PSD3: variants seen among roughly 807,000 people sequenced by gnomAD.
PSD3 encodes pleckstrin and Sec7 domain containing 3, also known as PH and SEC7 domain-containing protein 3.
Under a neutral mutation model 105.5 loss-of-function variants are expected in PSD3, and 49 were observed. That is an observed-to-expected ratio of 0.46 (90% CI 0.37 to 0.59). The LOEUF (loss-of-function observed/expected upper bound fraction) is 0.59. PSD3 is among the 20% of genes least tolerant of loss of function. The pLI is 0.00. For missense variants in PSD3, 1,561 were observed against 1,263.8 expected (o/e 1.24, Z -3.57); for synonymous variants, 557 against 457.8 (o/e 1.22, Z -2.77).
At chr8:18,678,238 G>A (rs2130939401) in intron 9 of PSD3, among the ~76,000 whole-genome samples, 1 of 152,216 alleles carries the variant, frequency 6.6e-6, no homozygotes, top group Middle Eastern at 3.4e-3. Context: ...AACTAGTGCA[G>A]GAGGATGTTG....
rs1817445001 is a variant in PSD3, at chr8:18,872,449, T to C, written c.415A>G (p.Lys139Glu). Residue 139 changes from lysine to glutamate, a missense_variant, in exon 3 of 16, where the codon AAA becomes GAA. Coordinates refer to ENST00000327040, the MANE Select transcript of PSD3 (RefSeq NM_015310.4). ...GAAATGATTCTGGCTTCTGTGGCTT[T>C]CAGAGCTGAAATCAAAGAGTCAATG... is the stretch of plus-strand genomic sequence containing the variant. ...QPIDSLISAL[K>E]ATEARIISGT... 1.2e-6 allele frequency: 2 copies of C among 1,614,084 alleles called. No individual in the cohort carries two copies. Among genetic ancestry groups the C allele is most frequent in the African/African-American group, 2.7e-5 (2 of 74,926 alleles).
At chr8:18,572,415 G>T in intron 14 of PSD3, 113 bp downstream of exon 14, 1 of 1,301,970 alleles carries the variant, frequency 7.7e-7, no homozygotes, top group Non-Finnish European at 1.1e-6. Flanking sequence ...CTCTCACAGG[G>T]CAAGGTCTCA....
chr8:18,983,068 G>C (rs192126687), intron 1 of PSD3, among the ~76,000 whole-genome samples: 52 of 152,338 alleles, frequency 3.4e-4, no homozygotes, highest in Middle Eastern at 3.4e-3. Flanking sequence ...GTCTTAGCTA[G>C]ATCTTCTGAA....
intron 2 of PSD3, among the ~76,000 whole-genome samples, chr8:18,890,402 G>T (rs937673561): frequency 1.3e-5 from 2 of 152,026 alleles, no homozygotes; most frequent in African/African-American, 4.8e-5. Flanking sequence ...AATCTAGAGA[G>T]AAAATCAGAA....
At chr8:19,084,350 G>A (rs750820508) in exon 1 of PSD3, 8 of 456,146 alleles carry the variant, frequency 1.8e-5, no homozygotes, top group East Asian at 6.9e-5. Context: ...GGCAGGTCTC[G>A]GCGCCTCTCC....
chr8:18,570,045 G>C (rs1183396326), intron 14 of PSD3, among the ~76,000 whole-genome samples: 1 of 18,052 alleles, frequency 5.5e-5, no homozygotes, highest in Non-Finnish European at 2.1e-4. Flanking sequence ...AACGAAGCTG[G>C]AGGCATCACA....
chr8:18,865,200 C>T (rs1449235178), intron 4 of PSD3: 1 of 116,936 alleles, frequency 8.6e-6, no homozygotes, highest in Non-Finnish European at 1.7e-5. Flanking sequence ...AGATATCCCA[C>T]CAAACTGGAA....
intron 1 of PSD3, among the ~76,000 whole-genome samples, chr8:18,952,889 C>T (rs1823329344): frequency 2.0e-5 from 3 of 152,134 alleles, no homozygotes; most frequent in Admixed American, 6.5e-5. Flanking sequence ...TACATAAAAT[C>T]GAGAATGACC....
chr8:18,577,113 T>C (rs531214009), intron 12 of PSD3, among the ~76,000 whole-genome samples: 5 of 152,016 alleles, frequency 3.3e-5, no homozygotes, highest in Non-Finnish European at 7.4e-5. Flanking sequence ...AAGAAGAGTA[T>C]TTTTTCATTG....
At chr8:18,985,767 C>A (rs1201566329) in intron 1 of PSD3, among the ~76,000 whole-genome samples, 3 of 152,150 alleles carry the variant, frequency 2.0e-5, no homozygotes, top group South Asian at 2.1e-4. Context: ...GTAATGAGAT[C>A]TTTTCTTTCT....
In PSD3 at chr8:18,863,087, T is replaced by G. The variant is rs544747878; in HGVS notation, c.1634+4587A>C. Among the ~76,000 whole-genome samples, 5 of 152,198 alleles carry G rather than the reference T, an allele frequency of 3.3e-5. No individual in the cohort carries two copies. The East Asian group carries it at 7.7e-4, about 24-fold the overall frequency. Reference sequence around the variant, plus strand: ...AAAATAGATCATCACGCTACAAAGGTTATTTCAAAAAGCAGCTTCATATAT... The same window carrying G: ...AAAATAGATCATCACGCTACAAAGGGTATTTCAAAAAGCAGCTTCATATAT... On this transcript the variant is annotated intron_variant, in intron 4 of 15. Coordinates refer to ENST00000327040, the MANE Select transcript of PSD3 (RefSeq NM_015310.4).
At chr8:18,700,022 A>C (rs981449616) in intron 9 of PSD3, among the ~76,000 whole-genome samples, 3 of 152,202 alleles carry the variant, frequency 2.0e-5, no homozygotes, top group African/African-American at 7.2e-5. Flanking sequence ...CCTGGGAAAA[A>C]ATTGGTAATG....
intron 1 of PSD3, among the ~76,000 whole-genome samples, chr8:18,949,605 CA>C (rs943804519): frequency 6.6e-6 from 1 of 152,074 alleles, no homozygotes; most frequent in Non-Finnish European, 1.5e-5. Flanking sequence ...GAAGTCAGGT[CA>C]CTCAGTGGAA....
intron 9 of PSD3, among the ~76,000 whole-genome samples, chr8:18,758,464 CG>C (rs1230562092): frequency 6.7e-6 from 1 of 149,700 alleles, no homozygotes; most frequent in Admixed American, 6.6e-5. Context: ...GCTGTCACTC[CG>C]TGTGAACAGA....
intron 1 of PSD3, among the ~76,000 whole-genome samples, chr8:19,033,853 C>G (rs148822139): frequency 3.9e-4 from 60 of 152,090 alleles, no homozygotes; most frequent in Admixed American, 1.0e-3. Context: ...AGCTGGTCAT[C>G]ATACAATGTT....
At chr8:18,591,894 A>G (rs1370203102) in intron 12 of PSD3, among the ~76,000 whole-genome samples, 2 of 152,102 alleles carry the variant, frequency 1.3e-5, no homozygotes, top group African/African-American at 4.8e-5. Flanking sequence ...GCTCCTGAAA[A>G]AGGATTCAGA....
chr8:19,027,582 C>A (rs1216531248), intron 1 of PSD3, among the ~76,000 whole-genome samples: 1 of 152,190 alleles, frequency 6.6e-6, no homozygotes, highest in African/African-American at 2.4e-5. Flanking sequence ...AAGTTCCACG[C>A]CCCTATGTCA....
intron 9 of PSD3, among the ~76,000 whole-genome samples, chr8:18,656,732 A>G (rs1197454354): frequency 6.6e-6 from 1 of 152,026 alleles, no homozygotes; most frequent in Non-Finnish European, 1.5e-5. Context: ...TTTAAGACAC[A>G]GGGTCTTGCT....
At chr8:18,675,039 T>A (rs754837319) in intron 9 of PSD3, among the ~76,000 whole-genome samples, 1 of 141,770 alleles carries the variant, frequency 7.1e-6, no homozygotes, top group Non-Finnish European at 1.6e-5. Context: ...AAAAGTGTCA[T>A]CAATCTATAT....
Sources: allele counts gnomAD v4.1 joint callset (sites outside exome capture counted in the v4.1 genomes callset), GRCh38; gene constraint gnomAD v4.1.1; transcripts MANE v1.5; gene names NCBI Gene and HGNC (gene_info 2026-07-23, HGNC 2026-07-21).